The following CNTN4 variants were observed in gnomAD, a reference collection of about 807,000 sequenced individuals.
CNTN4 encodes contactin-4.
Under a neutral mutation model 122.5 loss-of-function variants are expected in CNTN4, and 77 were observed. The ratio of observed to expected loss-of-function variants is 0.63; its 90% CI spans 0.52 to 0.76. The LOEUF is 0.76. Ranked by LOEUF, CNTN4 falls within the 30% of genes least tolerant of loss-of-function variation. The pLI is 0.00. For synonymous variants in CNTN4, 512 were observed against 447.0 expected (o/e 1.15, Z -1.83); for missense variants, 1,256 against 1,259.1 (o/e 1.00, Z 0.04).
At chr3:2,708,718 ACGCGCG>A (rs1181421169) in intron 4 of CNTN4, among the ~76,000 whole-genome samples, 3 of 142,146 alleles carry the variant, frequency 2.1e-5, no homozygotes, top group South Asian at 2.3e-4. Flanking sequence ...AGGCACGCGC[ACGCGCG>A]CATCACACAC....
chr3:2,321,102 G>C (rs1253394483), intron 2 of CNTN4, among the ~76,000 whole-genome samples: 1 of 152,110 alleles, frequency 6.6e-6, no homozygotes, highest in Admixed American at 6.5e-5. Flanking sequence ...TCTGTTCAAA[G>C]CAGTCTGAAG....
chr3:2,769,267 G>A (rs923739482), intron 6 of CNTN4, among the ~76,000 whole-genome samples: 3 of 152,022 alleles, frequency 2.0e-5, no homozygotes, highest in African/African-American at 7.2e-5. Flanking sequence ...TTCAAGACCA[G>A]CCTGGCCAAT....
At chr3:2,700,649 C>A (rs1553614488) in intron 4 of CNTN4, among the ~76,000 whole-genome samples, 1 of 22,810 alleles carries the variant, frequency 4.4e-5, no homozygotes, top group South Asian at 4.1e-3. Flanking sequence ...ATAAATTCCC[C>A]TGGCAAAAAA....
At chr3:2,538,964 T>C (rs2077923701) in intron 3 of CNTN4, among the ~76,000 whole-genome samples, 1 of 152,026 alleles carries the variant, frequency 6.6e-6, no homozygotes, top group African/African-American at 2.4e-5. Flanking sequence ...CAATTTTCCA[T>C]CAAATATATA....
intron 2 of CNTN4, among the ~76,000 whole-genome samples, chr3:2,102,582 ACC>A (rs1375725732): frequency 6.6e-6 from 1 of 152,128 alleles, no homozygotes; most frequent in Non-Finnish European, 1.5e-5. Context: ...TGATTCAGAG[ACC>A]CAGCCTTCAT....
intron 2 of CNTN4, among the ~76,000 whole-genome samples, chr3:2,189,526 T>C (rs1438940830): frequency 6.6e-6 from 1 of 152,086 alleles, no homozygotes; most frequent in African/African-American, 2.4e-5. Flanking sequence ...ATCAGTTTGA[T>C]CCATGGAATG....
At position 3,056,108 on chromosome 3, in the gene CNTN4, C is replaced by G. The variant is rs748875193; in HGVS notation, c.2981-12C>G. On this transcript the variant is annotated splice_polypyrimidine_tract_variant and intron_variant, in intron 24 of 24. Coordinates refer to ENST00000418658, the MANE Select transcript of CNTN4 (RefSeq NM_175607.3). ...TGGGGCTGTTTTGAGTGAATTTGTT[C>G]TCTCTTTTCAGATGCCTACGCGAGA... 22 of 1,610,312 alleles carry G rather than the reference C, an allele frequency of 1.4e-5. No homozygotes were observed. The highest frequency in any genetic ancestry group is 1.9e-5 in the Non-Finnish European group (22 of 1,176,684).
At chr3:2,377,979 C>G (rs2045884344) in intron 3 of CNTN4, among the ~76,000 whole-genome samples, 1 of 152,168 alleles carries the variant, frequency 6.6e-6, no homozygotes, top group Non-Finnish European at 1.5e-5. Context: ...GTGCTAACAA[C>G]TGTTGTTGTC....
At chr3:2,263,099 C>G (rs896035884) in intron 2 of CNTN4, among the ~76,000 whole-genome samples, 1 of 152,070 alleles carries the variant, frequency 6.6e-6, no homozygotes, top group Admixed American at 6.6e-5. Context: ...ACGATACAGT[C>G]CTTTTTCTTG....
intron 7 of CNTN4, among the ~76,000 whole-genome samples, chr3:2,829,683 A>G (rs2093061833): frequency 1.3e-5 from 2 of 152,238 alleles, no homozygotes; most frequent in Admixed American, 1.3e-4. Context: ...TTTCATGACT[A>G]TACTTTTGAA....
rs567185532 is a variant in CNTN4, at chr3:2,711,830, G to C, written c.56-24385G>C. ...GTTCATTCTATAATAAAGTCTCAAA[G>C]ACCACCAAGGGTAACTTGTACAAGT... On this transcript the variant is annotated intron_variant, in intron 4 of 24. Coordinates refer to ENST00000418658, the MANE Select transcript of CNTN4 (RefSeq NM_175607.3). 5.3e-5 allele frequency among the ~76,000 whole-genome samples: 8 copies of C among 152,266 alleles called. No individual in the cohort carries two copies. The South Asian group carries it at 1.7e-3, about 32-fold the overall frequency.
At chr3:2,234,001 T>C (rs2039586268) in intron 2 of CNTN4, among the ~76,000 whole-genome samples, 1 of 152,178 alleles carries the variant, frequency 6.6e-6, no homozygotes, top group Admixed American at 6.5e-5. Context: ...AGCAATGCCA[T>C]ATAATTCCTT....
chr3:2,331,547 T>A (rs886484838), intron 2 of CNTN4, among the ~76,000 whole-genome samples: 20 of 152,210 alleles, frequency 1.3e-4, no homozygotes, highest in African/African-American at 4.3e-4. Context: ...TTTAGAGCAA[T>A]AGAATTTTTG....
chr3:2,425,587 G>C (rs1309218437), intron 3 of CNTN4, among the ~76,000 whole-genome samples: 1 of 152,154 alleles, frequency 6.6e-6, no homozygotes, highest in Non-Finnish European at 1.5e-5. Flanking sequence ...CTTTAAAGTA[G>C]TTTTTTCCAA....
At chr3:2,743,383 A>G (rs74488680) in intron 5 of CNTN4, among the ~76,000 whole-genome samples, 194 of 152,308 alleles carry the variant, frequency 1.3e-3, no homozygotes, top group African/African-American at 4.5e-3. Context: ...GTGTCAGAGC[A>G]CAGAGAATTA....
chr3:2,170,997 G>A (rs1403772517), intron 2 of CNTN4, among the ~76,000 whole-genome samples: 1 of 152,092 alleles, frequency 6.6e-6, no homozygotes, highest in Non-Finnish European at 1.5e-5. Context: ...ACTACTATAC[G>A]AAAATACAGA....
At chr3:2,375,513 G>GC (rs1282703975) in intron 3 of CNTN4, among the ~76,000 whole-genome samples, 1 of 152,150 alleles carries the variant, frequency 6.6e-6, no homozygotes, top group Non-Finnish European at 1.5e-5. Context: ...CCGCCTGGGT[G>GC]CATCAGTTAA....
intron 3 of CNTN4, among the ~76,000 whole-genome samples, chr3:2,411,822 T>G (rs1178477077): frequency 1.3e-5 from 2 of 152,132 alleles, no homozygotes; most frequent in Non-Finnish European, 1.5e-5. Context: ...CGTTTTCCCC[T>G]TTTCCATTGA....
At chr3:2,188,501 G>A (rs57984727) in intron 2 of CNTN4, among the ~76,000 whole-genome samples, 3,738 of 152,266 alleles carry the variant, frequency 0.025, 141 homozygotes, top group African/African-American at 0.086. Context: ...CTGGGCCTCA[G>A]TGGGTAAATA....
Sources: allele counts gnomAD v4.1 joint callset (sites outside exome capture counted in the v4.1 genomes callset), GRCh38; gene constraint gnomAD v4.1.1; transcripts MANE v1.5; gene names NCBI Gene and HGNC (gene_info 2026-07-23, HGNC 2026-07-21).